The following OSBPL11 variants were observed in gnomAD, a reference collection of about 807,000 sequenced individuals.
The protein encoded by OSBPL11 is oxysterol binding protein like 11.
Under a neutral mutation model 84.4 loss-of-function variants are expected in OSBPL11, and 33 were observed. The observed-to-expected ratio is 0.39, with a 90% CI of 0.30 to 0.52. OSBPL11 has a LOEUF of 0.52. Among genes scored for constraint, OSBPL11 ranks in the 20% least tolerant of loss-of-function variants. The probability of loss-of-function intolerance (pLI) is 0.72; values close to 1 mark genes in which losing one functional copy is unlikely to be tolerated. For missense variants in OSBPL11, 736 were observed against 901.1 expected (o/e 0.82, Z 2.35); for synonymous variants, 276 against 310.2 (o/e 0.89, Z 1.16).
At chr3:125,557,542 C>T (rs544403106) in intron 8 of OSBPL11, among the ~76,000 whole-genome samples, 10 of 152,040 alleles carry the variant, frequency 6.6e-5, no homozygotes, top group African/African-American at 1.9e-4. Flanking sequence ...CCACCATGCT[C>T]GGCTAATTTG....
chr3:125,548,229 G>C (rs1329508983), intron 9 of OSBPL11, among the ~76,000 whole-genome samples: 1 of 152,052 alleles, frequency 6.6e-6, no homozygotes, highest in African/African-American at 2.4e-5. Flanking sequence ...TAAGACAATG[G>C]TATGCTAAAA....
rs766977557 is a variant in OSBPL11 at position 125,552,262 on chromosome 3, T to C, written c.1573A>G (p.Arg525Gly). 5.0e-6 allele frequency: 8 copies of C among 1,613,916 alleles called. No individual in the cohort carries two copies. Among genetic ancestry groups the C allele is most frequent in the Non-Finnish European group, 6.8e-6 (8 of 1,179,994 alleles). ...ACATGCGCATTTACACACATCTTCC[T>C]CTCTGTACATTCTGCATAAAATCCT... Reference protein sequence around the residue: ...VSGFYAECTERKMCVNAHVWT... With the variant: ...VSGFYAECTEGKMCVNAHVWT... Residue 525 changes from arginine to glycine, a missense_variant, in exon 9 of 13, where the codon AGG becomes GGG. By Grantham distance (125) the Arg-to-Gly change is moderately radical (BLOSUM62 -2). This residue lies in a region of OSBPL11 where 579 missense variants were observed against 717.6 expected (regional missense o/e 0.81). Coordinates refer to ENST00000296220, the MANE Select transcript of OSBPL11 (RefSeq NM_022776.5).
chr3:125,581,695 CA>C (rs1189619626), intron 2 of OSBPL11, among the ~76,000 whole-genome samples: 9,663 of 63,816 alleles, frequency 0.15, 157 homozygotes, highest in African/African-American at 0.2. Flanking sequence ...GACTCCATCT[CA>C]AAAAAAAAAA....
intron 10 of OSBPL11, among the ~76,000 whole-genome samples, chr3:125,539,326 T>TATAC (rs1553732053): frequency 4.5e-4 from 54 of 120,356 alleles, no homozygotes; most frequent in South Asian, 2.4e-3. Flanking sequence ...TATATATATA[T>TATAC]ATATATATAT....
chr3:125,548,206 T>C (rs1391533031), intron 9 of OSBPL11, among the ~76,000 whole-genome samples: 1 of 152,126 alleles, frequency 6.6e-6, no homozygotes, highest in Non-Finnish European at 1.5e-5. Flanking sequence ...AAAAAAGGCC[T>C]TCAGTCAGAG....
chr3:125,546,677 G>C (rs575393483), intron 10 of OSBPL11, among the ~76,000 whole-genome samples: 2 of 152,164 alleles, frequency 1.3e-5, no homozygotes, highest in South Asian at 4.2e-4. Flanking sequence ...GATCACTTAA[G>C]GCCAGGAGTT....
At chr3:125,548,901 T>C (rs913941309) in intron 9 of OSBPL11, among the ~76,000 whole-genome samples, 1 of 152,024 alleles carries the variant, frequency 6.6e-6, no homozygotes, top group East Asian at 1.9e-4. Context: ...TTGCTCTTAA[T>C]AGTCTTCACA....
intron 5 of OSBPL11, among the ~76,000 whole-genome samples, chr3:125,574,480 GT>G (rs56689283): frequency 0.026 from 3,503 of 135,338 alleles, 48 homozygotes; most frequent in South Asian, 0.059. Context: ...CTGATTAGCA[GT>G]TTTTTTTTTT....
At chr3:125,584,265 C>T (rs4473514) in intron 1 of OSBPL11, among the ~76,000 whole-genome samples, 1 of 152,064 alleles carries the variant, frequency 6.6e-6, no homozygotes, top group Non-Finnish European at 1.5e-5. Context: ...ACTTGTGAGG[C>T]TGAGGCAGGA....
intron 5 of OSBPL11, among the ~76,000 whole-genome samples, chr3:125,568,901 T>C (rs1358118350): frequency 6.6e-6 from 1 of 152,038 alleles, no homozygotes; most frequent in Non-Finnish European, 1.5e-5. Context: ...AGAAACTCTA[T>C]ATAGTGGACA....
At position 125,560,435 on chromosome 3, in the gene OSBPL11, G is replaced by T. The variant is rs769404206; in HGVS notation, c.1099C>A (p.Arg367Ser). Residue 367 changes from arginine to serine, a missense_variant, in exon 8 of 13, where the codon CGT (arginine) becomes AGT (serine). Physicochemically the swap from Arg to Ser is moderately radical, Grantham distance 110 (BLOSUM62 -1). Transcript: ENST00000296220. ...GACAAGAGATGTAGGATGACACTAC[G>T]TTGTTCTTCTACAGCTCCCAGGTCA... Reference protein sequence around the residue: ...EDDLGAVEEQRSVILHLLSQL... With the variant: ...EDDLGAVEEQSSVILHLLSQL... 6.2e-7 allele frequency: 1 copy of T among 1,607,908 alleles called. No homozygotes were observed. The highest frequency in any genetic ancestry group is 1.1e-5 in the South Asian group (1 of 89,478).
chr3:125,539,337 ATATATAT>A (rs1935691557), intron 10 of OSBPL11, among the ~76,000 whole-genome samples: 15 of 138,494 alleles, frequency 1.1e-4, no homozygotes, highest in South Asian at 4.5e-4. Flanking sequence ...ATATATATAT[ATATATAT>A]AATAGCTATA....
intron 1 of OSBPL11, among the ~76,000 whole-genome samples, chr3:125,589,417 A>G (rs1001033695): frequency 1.3e-5 from 2 of 151,952 alleles, no homozygotes; most frequent in African/African-American, 2.4e-5. Context: ...ATCACAGCAC[A>G]TTATTAATAA....
At chr3:125,556,195 G>T (rs1362190025) in intron 8 of OSBPL11, among the ~76,000 whole-genome samples, 5 of 152,212 alleles carry the variant, frequency 3.3e-5, no homozygotes, top group Non-Finnish European at 7.3e-5. Flanking sequence ...GTCCAGATTA[G>T]AGTGATGTGA....
chr3:125,574,860 T>C (rs1936298400), intron 5 of OSBPL11, among the ~76,000 whole-genome samples: 1 of 152,210 alleles, frequency 6.6e-6, no homozygotes, highest in South Asian at 2.1e-4. Context: ...TACAAAATCA[T>C]GGATAGGTTA....
intron 1 of OSBPL11, among the ~76,000 whole-genome samples, chr3:125,584,041 G>T (rs759520648): frequency 6.6e-6 from 1 of 152,068 alleles, no homozygotes; most frequent in Non-Finnish European, 1.5e-5. Context: ...CTCTGTTTTA[G>T]GTACTTAGTA....
At chr3:125,545,552 A>C (rs1490863685) in intron 10 of OSBPL11, among the ~76,000 whole-genome samples, 1 of 152,180 alleles carries the variant, frequency 6.6e-6, no homozygotes, top group Non-Finnish European at 1.5e-5. Flanking sequence ...TTGTAGGCAA[A>C]GATAGTCTTT....
chr3:125,547,267 A>G (rs1291337478), intron 10 of OSBPL11, 139 bp downstream of exon 10: 1 of 725,762 alleles, frequency 1.4e-6, no homozygotes, highest in African/African-American at 1.8e-5. Context: ...AATGCTTTAA[A>G]GATGAAATAT....
At chr3:125,540,494 A>G (rs1935713505) in intron 10 of OSBPL11, among the ~76,000 whole-genome samples, 1 of 152,156 alleles carries the variant, frequency 6.6e-6, no homozygotes, top group Admixed American at 6.6e-5. Flanking sequence ...GTTTCTTGCC[A>G]GTGTGAATGT....
Sources: gnomAD v4.1 joint callset for allele counts (sites outside exome capture counted in the v4.1 genomes callset) on GRCh38, gnomAD v4.1.1 for gene constraint, gnomAD v4.1.1 regional missense constraint, MANE v1.5 for transcripts, NCBI Gene and HGNC (gene_info 2026-07-23, HGNC 2026-07-21) for gene names.